ANKUB1: variants seen among roughly 807,000 people sequenced by gnomAD.
The protein encoded by ANKUB1 is ankyrin repeat and ubiquitin domain containing 1, also known as protein ANKUB1.
In ANKUB1, 42 loss-of-function variants were observed where a neutral mutation model predicts 49.3. The ratio of observed to expected loss-of-function variants is 0.85; its 90% CI spans 0.67 to 1.10. ANKUB1 has a LOEUF of 1.10. Among genes scored for constraint, ANKUB1 ranks in the 50% least tolerant of loss-of-function variants. The probability of loss-of-function intolerance (pLI) is 0.00; values close to 1 mark genes in which losing one functional copy is unlikely to be tolerated. For missense variants in ANKUB1, 613 were observed against 642.0 expected, an observed-to-expected ratio of 0.95 and a Z score of 0.49; for synonymous variants, 222 against 231.0, an observed-to-expected ratio of 0.96 and a Z score of 0.35.
intron 3 of ANKUB1, among the ~76,000 whole-genome samples, chr3:149,777,821 T>C (rs1455733358): frequency 1.3e-5 from 2 of 152,252 alleles, no homozygotes; most frequent in East Asian, 3.8e-4. Flanking sequence ...TGTATACATG[T>C]CTCATTTCTA....
intron 3 of ANKUB1, among the ~76,000 whole-genome samples, chr3:149,773,003 A>G (rs1444306274): frequency 6.6e-6 from 1 of 152,220 alleles, no homozygotes; most frequent in Non-Finnish European, 1.5e-5. Context: ...CCTTTTATAG[A>G]CTAGGAAGCT....
rs749181148 is a variant in ANKUB1 at position 149,792,277 on chromosome 3, C to G, written c.90G>C (p.Lys30Asn). 1.5e-5 allele frequency: 23 copies of G among 1,517,368 alleles called. No homozygotes were observed. In the African/African-American group the frequency reaches 2.4e-4, roughly 16 times the overall value. The allele number at this position is 1,517,368 out of a possible 1,614,324, so 94.0% of individuals were successfully genotyped here. ...GGTGGTTTGGGAACGAAGTACATAC[C>G]TTTATCATCAGCTTGACAACCTCCA... ...ETVEVVKLMI[K>N]DYFHIPLSED... The change falls in exon 1 of 6, where the codon AAG becomes AAC. Residue 30 changes from lysine to asparagine, a missense_variant and splice_region_variant. By Grantham distance (94) the Lys-to-Asn change is moderately conservative. Coordinates refer to ENST00000446160, the MANE Select transcript of ANKUB1 (RefSeq NM_001144960.3).
intron 3 of ANKUB1, among the ~76,000 whole-genome samples, chr3:149,772,390 T>C (rs890876961): frequency 6.6e-5 from 10 of 152,198 alleles, no homozygotes. Flanking sequence ...TGATCAATAT[T>C]GAAGAACTCT....
chr3:149,763,914 T>A (rs1160795386), intron 5 of ANKUB1: 2 of 456,156 alleles, frequency 4.4e-6, no homozygotes, highest in Non-Finnish European at 8.8e-6. Flanking sequence ...AGGTAGGAGT[T>A]CCTGAATGAC....
At chr3:149,769,506 C>T (rs113748391) in intron 4 of ANKUB1, among the ~76,000 whole-genome samples, 211 of 152,264 alleles carry the variant, frequency 1.4e-3, no homozygotes, top group African/African-American at 4.8e-3. Context: ...TATAGAGTTA[C>T]GTCTTGATAA....
rs1186515733 is a variant in ANKUB1 at position 149,767,718 on chromosome 3, T to C, written c.944A>G (p.Lys315Arg). 1.3e-6 allele frequency: 2 copies of C among 1,551,660 alleles called. No individual in the cohort carries two copies. Among genetic ancestry groups the C allele is most frequent in the Non-Finnish European group, 8.7e-7 (1 of 1,146,980 alleles). The change falls in exon 5 of 6, where the codon AAA becomes AGA. Residue 315 changes from lysine (K) to arginine (R), a missense_variant. By Grantham distance (26) the Lys-to-Arg change is conservative (BLOSUM62 2). Coordinates refer to ENST00000446160, the MANE Select transcript of ANKUB1 (RefSeq NM_001144960.3). ...KISVPMRIYI[K>R]IKQWILRAQS... Reference sequence around the variant, plus strand: ...AGCTCTGAGGATCCATTGTTTTATTTTAATATAAATCCTCATTGGGACTGA... The same window carrying C: ...AGCTCTGAGGATCCATTGTTTTATTCTAATATAAATCCTCATTGGGACTGA...
Position 149,764,557 on chromosome 3 carries a change from C to CCCTT in ANKUB1, c.1505+2596_1505+2599dup, listed in dbSNP as rs1467576780. ...TCTGCATTAATCCCTTCCTTCCTTT[C>CCCTT]CCTTCCTTCCTTCCCTCCCTCCCTC... is the stretch of plus-strand genomic sequence containing the variant. On this transcript the variant is annotated intron_variant, in intron 5 of 5. Transcript: ENST00000446160. Among the ~76,000 whole-genome samples, 72 of 151,122 alleles carry CCCTT rather than the reference C, an allele frequency of 4.8e-4. No homozygotes were observed. In the East Asian group the frequency reaches 0.014, roughly 29 times the overall value.
intron 2 of ANKUB1, chr3:149,783,222 C>T (rs990807802): frequency 6.6e-6 from 1 of 152,128 alleles, no homozygotes; most frequent in Non-Finnish European, 1.5e-5. Context: ...GCTAATCCAC[C>T]TTATCCACAT....
chr3:149,769,031 A>G (rs183787673), intron 4 of ANKUB1, among the ~76,000 whole-genome samples: 1 of 152,364 alleles, frequency 6.6e-6, no homozygotes. Context: ...TGGATGCAGA[A>G]CATGGAAAAA....
At chr3:149,761,979 T>C (rs929751541) in intron 5 of ANKUB1, among the ~76,000 whole-genome samples, 3 of 152,198 alleles carry the variant, frequency 2.0e-5, no homozygotes, top group African/African-American at 7.2e-5. Flanking sequence ...CACATGAGGA[T>C]TTTTTAATTG....
intron 1 of ANKUB1, among the ~76,000 whole-genome samples, chr3:149,791,858 T>C (rs1474956140): frequency 2.0e-5 from 3 of 152,222 alleles, no homozygotes; most frequent in Non-Finnish European, 2.9e-5. Context: ...TAAAGTCCTC[T>C]CTGCTTCCAA....
intron 4 of ANKUB1, among the ~76,000 whole-genome samples, chr3:149,769,407 G>A (rs1576670652): frequency 2.6e-5 from 4 of 152,194 alleles, no homozygotes; most frequent in African/African-American, 7.2e-5. Flanking sequence ...TTAGGAAGAC[G>A]TGGCCAATGT....
chr3:149,786,503 T>C (rs1047360053), intron 2 of ANKUB1, among the ~76,000 whole-genome samples: 3 of 152,236 alleles, frequency 2.0e-5, no homozygotes, highest in African/African-American at 7.2e-5. Context: ...ATGGGTAGAT[T>C]GTAAAAATTT....
chr3:149,770,601 A>C lies in ANKUB1; in HGVS notation c.525T>G (p.Leu175=). ...FLMGCLLGQK[L]KVQRYLSKEG... ...CTTTTGATAAGTAGCGTTGGACTTT[A>C]AGTTTTTGTCCAAGGAGACAACCCA... is the stretch of plus-strand genomic sequence containing the variant. Residue 175 remains leucine (L), a synonymous_variant, in exon 4 of 6, where the codon CTT becomes CTG. Transcript: ENST00000446160. The C allele has an allele frequency of 6.4e-7, 1 of 1,550,460 alleles. No homozygotes were observed. Among genetic ancestry groups the C allele is most frequent in the African/African-American group, 1.4e-5 (1 of 73,072 alleles).
chr3:149,789,599 T>G (rs1718265538), intron 2 of ANKUB1, among the ~76,000 whole-genome samples: 1 of 151,860 alleles, frequency 6.6e-6, no homozygotes, highest in African/African-American at 2.4e-5. Context: ...GACTTGTCTT[T>G]CCTACTTAAT....
chr3:149,768,727 A>G (rs1352615841), intron 4 of ANKUB1, among the ~76,000 whole-genome samples: 5 of 152,206 alleles, frequency 3.3e-5, no homozygotes, highest in South Asian at 4.1e-4. Context: ...TTTTTTGTAG[A>G]AACAGGAATT....
chr3:149,787,702 A>T (rs1718170693), intron 2 of ANKUB1, among the ~76,000 whole-genome samples: 1 of 152,194 alleles, frequency 6.6e-6, no homozygotes, highest in Non-Finnish European at 1.5e-5. Context: ...TATTACCATT[A>T]AAAGAAAAGC....
At chr3:149,781,050 T>A (rs553861472) in intron 2 of ANKUB1, among the ~76,000 whole-genome samples, 1 of 149,466 alleles carries the variant, frequency 6.7e-6, no homozygotes, top group Non-Finnish European at 1.5e-5. Flanking sequence ...GGTCTCAAAC[T>A]CCTGGGCTCA....
chr3:149,791,907 G>A (rs1203728115), intron 1 of ANKUB1, among the ~76,000 whole-genome samples: 1 of 152,132 alleles, frequency 6.6e-6, no homozygotes, highest in African/African-American at 2.4e-5. Flanking sequence ...CACCAAATAA[G>A]ACATTTATCT....
Sources: gnomAD v4.1 joint callset for allele counts (sites outside exome capture counted in the v4.1 genomes callset) on GRCh38, gnomAD v4.1.1 for gene constraint, MANE v1.5 for transcripts, NCBI Gene and HGNC (gene_info 2026-07-23, HGNC 2026-07-21) for gene names.